MTBP: variants seen among roughly 807,000 people sequenced by gnomAD.
MTBP encodes mdm2-binding protein.
MTBP carries 101 observed loss-of-function variants against 117.0 expected under a neutral mutation model. The ratio of observed to expected loss-of-function variants is 0.86; its 90% CI spans 0.73 to 1.02. MTBP has a LOEUF of 1.02. Ranked by LOEUF, MTBP falls within the 50% of genes least tolerant of loss-of-function variation. MTBP has a pLI of 0.00. For synonymous variants in MTBP, 350 were observed against 351.5 expected (o/e 1.00, Z 0.05); for missense variants, 970 against 1,030.9 (o/e 0.94, Z 0.81).
chr8:120,522,626 G>T, intron 20 of MTBP, 28 bp from the exon 21 acceptor site: 2 of 1,426,000 alleles, frequency 1.4e-6, no homozygotes, highest in African/African-American at 2.9e-5. Flanking sequence ...TGTGCAGATT[G>T]TAAAATGCTG....
intron 11 of MTBP, among the ~76,000 whole-genome samples, chr8:120,477,874 A>G (rs1007505095): frequency 2.6e-5 from 4 of 152,230 alleles, no homozygotes; most frequent in African/African-American, 7.2e-5. Flanking sequence ...AACCAGAAAT[A>G]CCATTTGACC....
At chr8:120,483,828 A>G (rs751164343) in intron 11 of MTBP, among the ~76,000 whole-genome samples, 1 of 152,152 alleles carries the variant, frequency 6.6e-6, no homozygotes, top group Non-Finnish European at 1.5e-5. Flanking sequence ...AGTAAACATA[A>G]CAGTTGAAAA....
rs140714892 is a variant in MTBP, at chr8:120,480,170, A to G, written c.1166-7989A>G. On this transcript the variant is annotated intron_variant, in intron 11 of 21. Transcript: ENST00000305949. ...TATCAAAATTCCAGCAGGACTTTCT[A>G]TAGAAATTGACAAACTGCAGGAGTT... Among the ~76,000 whole-genome samples, 153 of 151,946 alleles carry G rather than the reference A, an allele frequency of 1.0e-3. 1 individual carries two copies. The highest frequency in any genetic ancestry group is 3.5e-3 in the African/African-American group (145 of 41,508).
intron 9 of MTBP, 77 bp from the exon 10 acceptor site, chr8:120,463,615 G>A: frequency 1.7e-6 from 2 of 1,187,126 alleles, no homozygotes; most frequent in Non-Finnish European, 2.3e-6. Flanking sequence ...TGGAAGAATT[G>A]AAATAATGAA....
intron 17 of MTBP, among the ~76,000 whole-genome samples, chr8:120,513,614 T>C (rs565683770): frequency 1.3e-5 from 2 of 152,116 alleles, no homozygotes; most frequent in Non-Finnish European, 2.9e-5. Flanking sequence ...TGAACAGCTG[T>C]GATCAAGAGA....
Position 120,490,450 on chromosome 8 carries a change from T to C in MTBP, c.1340-13T>C, listed in dbSNP as rs1814320334. ...ATCATTAATGTTGACCTTTTTTTTTTCTTATTTCTCAGGTTTTCCTTTTGA... is the reference window on the plus strand; with the variant it reads ...ATCATTAATGTTGACCTTTTTTTTTCCTTATTTCTCAGGTTTTCCTTTTGA... On this transcript the variant is annotated splice_polypyrimidine_tract_variant and intron_variant, in intron 12 of 21. Transcript: ENST00000305949. 2 of 1,541,414 alleles carry C rather than the reference T, an allele frequency of 1.3e-6. No individual in the cohort carries two copies. Among genetic ancestry groups the C allele is most frequent in the Non-Finnish European group, 1.8e-6 (2 of 1,121,494 alleles).
At chr8:120,505,369 G>A (rs1814667956) in intron 15 of MTBP, among the ~76,000 whole-genome samples, 1 of 152,164 alleles carries the variant, frequency 6.6e-6, no homozygotes, top group Non-Finnish European at 1.5e-5. Context: ...CATCACCACT[G>A]ACACTGAGAC....
intron 10 of MTBP, among the ~76,000 whole-genome samples, chr8:120,467,971 A>G (rs1453405956): frequency 6.6e-6 from 1 of 152,214 alleles, no homozygotes; most frequent in East Asian, 1.9e-4. Flanking sequence ...AATGTTGAGA[A>G]AGCTATAACT....
At chr8:120,454,699 T>G (rs938104435) in intron 5 of MTBP, among the ~76,000 whole-genome samples, 1 of 152,028 alleles carries the variant, frequency 6.6e-6, no homozygotes, top group African/African-American at 2.4e-5. Flanking sequence ...AAGCCCCACA[T>G]AGAAAAATAA....
chr8:120,446,502 G>A lies in MTBP; in HGVS notation c.188G>A (p.Ser63Asn), dbSNP rs767091319. 3 of 1,574,358 alleles carry A rather than the reference G, an allele frequency of 1.9e-6. No individual in the cohort carries two copies. Among genetic ancestry groups the A allele is most frequent in the Non-Finnish European group, 1.7e-6 (2 of 1,144,388 alleles). Residue 63 changes from serine to asparagine, a missense_variant, in exon 2 of 22, where the codon AGT becomes AAT. Transcript: ENST00000305949. ...SISASINPED[S>N]TFPACSVGGI... ...AGTGCTTCAATTAATCCAGAAGATA[G>A]TACTTTCCCTGGTAAGTATAATAAA...
intron 2 of MTBP, among the ~76,000 whole-genome samples, chr8:120,449,210 G>A (rs1464521280): frequency 6.6e-6 from 1 of 152,118 alleles, no homozygotes; most frequent in Non-Finnish European, 1.5e-5. Flanking sequence ...CGTTGAATTG[G>A]TATGATGTAG....
chr8:120,454,771 C>G (rs1586938374), intron 5 of MTBP, among the ~76,000 whole-genome samples: 1 of 152,142 alleles, frequency 6.6e-6, no homozygotes, highest in East Asian at 1.9e-4. Flanking sequence ...AAAGTATGCA[C>G]TGAAATATTA....
chr8:120,446,553 T>G (rs1392269992), intron 2 of MTBP, 40 bp downstream of exon 2: 1 of 1,188,942 alleles, frequency 8.4e-7, no homozygotes, highest in Non-Finnish European at 1.3e-6. Flanking sequence ...GCACAGCATT[T>G]GTACTGGAAA....
intron 21 of MTBP, 119 bp downstream of exon 21, chr8:120,522,838 C>A: frequency 1.4e-6 from 1 of 691,620 alleles, no homozygotes; most frequent in Non-Finnish European, 2.3e-6. Context: ...AACTCTGTCC[C>A]TATGAAAACT....
At chr8:120,494,203 A>G (rs1814407410) in intron 13 of MTBP, among the ~76,000 whole-genome samples, 1 of 152,180 alleles carries the variant, frequency 6.6e-6, no homozygotes, top group Admixed American at 6.5e-5. Context: ...GACCTCAGGT[A>G]GTGTAATGTA....
At chr8:120,497,197 A>T (rs543118510) in intron 13 of MTBP, among the ~76,000 whole-genome samples, 196 bp from the exon 14 acceptor site, 9 of 152,344 alleles carry the variant, frequency 5.9e-5, no homozygotes, top group African/African-American at 1.9e-4. Flanking sequence ...ACTTCTGTTT[A>T]TCTCACATAA....
intron 20 of MTBP, among the ~76,000 whole-genome samples, chr8:120,519,383 G>A (rs1460138322): frequency 6.6e-6 from 1 of 152,002 alleles, no homozygotes; most frequent in Non-Finnish European, 1.5e-5. Flanking sequence ...TAGTAAAAAG[G>A]CTACTGGACT....
Position 120,461,266 on chromosome 8 carries a change from A to C in MTBP, c.977+11A>C, listed in dbSNP as rs374450617. 2 of 1,522,372 alleles carry C rather than the reference A, an allele frequency of 1.3e-6. No homozygotes were observed. The highest frequency in any genetic ancestry group is 1.8e-6 in the Non-Finnish European group (2 of 1,099,140). The allele number at this position is 1,522,372 out of a possible 1,614,324, so 94.3% of individuals were successfully genotyped here. ...TATTGAATTTGAGTTGTATCCTTTC[A>C]TTTACATGTTCATTTTAGATTACAT... On this transcript the variant is annotated intron_variant, in intron 9 of 21. Coordinates refer to ENST00000305949, the MANE Select transcript of MTBP (RefSeq NM_022045.5).
In MTBP at chr8:120,470,901, A is replaced by G; in HGVS notation, c.1129A>G (p.Lys377Glu). 1.2e-6 allele frequency: 2 copies of G among 1,610,242 alleles called. No homozygotes were observed. Among genetic ancestry groups the G allele is most frequent in the South Asian group, 2.2e-5 (2 of 90,992 alleles). Residue 377 changes from lysine (K) to glutamate (E), a missense_variant, in exon 11 of 22, where the codon AAG (lysine) becomes GAG (glutamate). Lys to Glu is a moderately conservative substitution (Grantham distance 56, BLOSUM62 1). Coordinates refer to ENST00000305949, the MANE Select transcript of MTBP (RefSeq NM_022045.5). ...PPNQLSSRKW[K>E]EYIAKKPKTI... The stretch of plus-strand genomic sequence containing the variant: ...CAACCAACTCAGTTCAAGAAAATGG[A>G]AGGAATATATAGCTAAAAAGCCTAA...
Sources: allele counts gnomAD v4.1 joint callset (sites outside exome capture counted in the v4.1 genomes callset), GRCh38; gene constraint gnomAD v4.1.1; transcripts MANE v1.5; gene names NCBI Gene and HGNC (gene_info 2026-07-23, HGNC 2026-07-21).